RBMS1: variants seen among roughly 807,000 people sequenced by gnomAD.
RBMS1 encodes RNA binding motif single stranded interacting protein 1.
Under a neutral mutation model 62.3 loss-of-function variants are expected in RBMS1, and 17 were observed. That is an observed-to-expected ratio of 0.27 (90% CI 0.19 to 0.41). The LOEUF (loss-of-function observed/expected upper bound fraction) is 0.41, where lower values mean the gene tolerates loss of function less well. RBMS1 is among the 10% of genes least tolerant of loss of function. The pLI is 1.00. For synonymous variants in RBMS1, 172 were observed against 170.0 expected (o/e 1.01, Z -0.09); for missense variants, 334 against 504.5 (o/e 0.66, Z 3.24).
At chr2:160,373,300 T>A (rs1209397888) in intron 1 of RBMS1, among the ~76,000 whole-genome samples, 1 of 152,232 alleles carries the variant, frequency 6.6e-6, no homozygotes, top group Non-Finnish European at 1.5e-5. Flanking sequence ...AGAAATCTCT[T>A]TACCTAAGTT....
chr2:160,400,517 A>T (rs987804124), intron 1 of RBMS1, among the ~76,000 whole-genome samples: 2 of 152,088 alleles, frequency 1.3e-5, no homozygotes, highest in Admixed American at 6.6e-5. Context: ...ATGTGGAGAA[A>T]ATTTATCTGT....
chr2:160,440,126 T>C (rs1247139490), intron 1 of RBMS1, among the ~76,000 whole-genome samples: 1 of 43,632 alleles, frequency 2.3e-5, no homozygotes, highest in African/African-American at 6.1e-5. Context: ...TTTCTTTTTT[T>C]CCCTGAGACA....
At chr2:160,312,197 GTCTA>G (rs938412809) in intron 4 of RBMS1, among the ~76,000 whole-genome samples, 2 of 152,160 alleles carry the variant, frequency 1.3e-5, no homozygotes, top group African/African-American at 2.4e-5. Flanking sequence ...AGGCCATCAA[GTCTA>G]TCTAAGGCAT....
intron 1 of RBMS1, among the ~76,000 whole-genome samples, chr2:160,438,150 G>A (rs1318079012): frequency 6.6e-6 from 1 of 152,080 alleles, no homozygotes. Context: ...GCATTCAGAA[G>A]TAAAGAATAT....
At chr2:160,479,986 C>CAT (rs993553333) in intron 1 of RBMS1, among the ~76,000 whole-genome samples, 9 of 151,822 alleles carry the variant, frequency 5.9e-5, no homozygotes, top group Non-Finnish European at 8.8e-5. Context: ...GAAAAAAATA[C>CAT]ATATATATAT....
intron 2 of RBMS1, among the ~76,000 whole-genome samples, chr2:160,364,265 T>C (rs762752554): frequency 1.3e-5 from 2 of 152,226 alleles, no homozygotes; most frequent in Non-Finnish European, 2.9e-5. Flanking sequence ...TCTTTGTGAA[T>C]AGATAACCTC....
At chr2:160,330,070 G>A (rs1185948026) in intron 2 of RBMS1, among the ~76,000 whole-genome samples, 1 of 152,150 alleles carries the variant, frequency 6.6e-6, no homozygotes, top group Non-Finnish European at 1.5e-5. Flanking sequence ...CTCCAGAACT[G>A]TAAGAACATT....
intron 1 of RBMS1, among the ~76,000 whole-genome samples, chr2:160,444,035 A>C (rs905216436): frequency 1.6e-4 from 25 of 152,332 alleles, no homozygotes; most frequent in African/African-American, 6.0e-4. Flanking sequence ...CTTTAGGAAG[A>C]GTCCAAAGAT....
intron 4 of RBMS1, among the ~76,000 whole-genome samples, chr2:160,308,106 ACTC>A (rs1242962775): frequency 1.3e-5 from 2 of 152,022 alleles, no homozygotes; most frequent in African/African-American, 4.8e-5. Flanking sequence ...CTGGACTTAA[ACTC>A]CTTTTAAAAA....
chr2:160,276,221 G>C (rs970467845), intron 12 of RBMS1, among the ~76,000 whole-genome samples: 3 of 152,154 alleles, frequency 2.0e-5, no homozygotes, highest in African/African-American at 4.8e-5. Flanking sequence ...TGCTAAAGTA[G>C]TTACAAAGAT....
At chr2:160,463,851 C>A (rs1369172110) in intron 1 of RBMS1, among the ~76,000 whole-genome samples, 2 of 152,160 alleles carry the variant, frequency 1.3e-5, no homozygotes, top group African/African-American at 2.4e-5. Context: ...TCTCCTATTT[C>A]ATTCCATGGC....
At chr2:160,377,556 C>T (rs1694066680) in intron 1 of RBMS1, among the ~76,000 whole-genome samples, 1 of 152,198 alleles carries the variant, frequency 6.6e-6, no homozygotes, top group Non-Finnish European at 1.5e-5. Context: ...GAGCAAGCTG[C>T]ATCTATTCAC....
chr2:160,341,108 C>T (rs769402126), intron 2 of RBMS1, among the ~76,000 whole-genome samples: 28 of 152,060 alleles, frequency 1.8e-4, no homozygotes, highest in Non-Finnish European at 3.2e-4. Context: ...GGAGGGATAA[C>T]GAAAATTTTT....
At chr2:160,447,298 G>A (rs1683695554) in intron 1 of RBMS1, among the ~76,000 whole-genome samples, 1 of 152,184 alleles carries the variant, frequency 6.6e-6, no homozygotes, top group South Asian at 2.1e-4. Flanking sequence ...AGGCCAAGAT[G>A]TAGTATATGT....
intron 1 of RBMS1, among the ~76,000 whole-genome samples, chr2:160,445,490 A>T (rs1191438744): frequency 6.6e-6 from 1 of 152,214 alleles, no homozygotes; most frequent in Non-Finnish European, 1.5e-5. Context: ...CAGTGAAAGG[A>T]ATTATCAGTG....
At chr2:160,435,434 C>G (rs988883600) in intron 1 of RBMS1, among the ~76,000 whole-genome samples, 1 of 152,156 alleles carries the variant, frequency 6.6e-6, no homozygotes, top group Non-Finnish European at 1.5e-5. Flanking sequence ...CCAAAGGTGA[C>G]CCGAACATCA....
chr2:160,408,007 G>A, intron 1 of RBMS1: 1 of 774,410 alleles, frequency 1.3e-6, no homozygotes, highest in Non-Finnish European at 1.6e-6. Flanking sequence ...GGCGCCTGCC[G>A]CCCCATCGCC....
At chr2:160,434,015 A>C (rs1683014095) in intron 1 of RBMS1, among the ~76,000 whole-genome samples, 1 of 152,188 alleles carries the variant, frequency 6.6e-6, no homozygotes, top group South Asian at 2.1e-4. Context: ...TTTTGTTTAA[A>C]GTCAATATTT....
At chr2:160,438,187 A>G (rs1683193520) in intron 1 of RBMS1, among the ~76,000 whole-genome samples, 1 of 152,192 alleles carries the variant, frequency 6.6e-6, no homozygotes, top group African/African-American at 2.4e-5. Flanking sequence ...AGCAGACTCC[A>G]TAGGGGAATC....
Sources: gnomAD v4.1 joint callset for allele counts (sites outside exome capture counted in the v4.1 genomes callset) on GRCh38, gnomAD v4.1.1 for gene constraint, MANE v1.5 for transcripts, NCBI Gene and HGNC (gene_info 2026-07-23, HGNC 2026-07-21) for gene names.